Variants in LINGO2 observed in about 807,000 individuals in gnomAD.
LINGO2 encodes leucine rich repeat and Ig domain containing 2, also known as leucine-rich repeat and immunoglobulin-like domain-containing nogo receptor-interacting protein 2.
LINGO2 carries 14 observed loss-of-function variants against 30.6 expected under a neutral mutation model. The observed-to-expected ratio is 0.46, with a 90% CI of 0.30 to 0.72. The LOEUF is 0.72. Ranked by LOEUF, LINGO2 falls within the 30% of genes least tolerant of loss-of-function variation. LINGO2 has a pLI of 0.07. For synonymous variants in LINGO2, 317 were observed against 288.5 expected, an observed-to-expected ratio of 1.10 and a Z score of -1.00; for missense variants, 729 against 751.7, an observed-to-expected ratio of 0.97 and a Z score of 0.35.
chr9:29,062,937 G>A, the LINGO2 span, among the ~76,000 whole-genome samples: 827 of 152,164 alleles, frequency 5.4e-3, 8 homozygotes, highest in African/African-American at 0.019. Flanking sequence ...CTGACCTGGA[G>A]GGAACCAAAG....
At chr9:29,041,369 T>C in the LINGO2 span, among the ~76,000 whole-genome samples, 1 of 151,998 alleles carries the variant, frequency 6.6e-6, no homozygotes, top group African/African-American at 2.4e-5. Flanking sequence ...CTAGCCAGAA[T>C]AGCTAAAATA....
intron 1 of LINGO2, among the ~76,000 whole-genome samples, chr9:28,506,486 A>G (rs1820135028): frequency 1.7e-5 from 1 of 59,954 alleles, no homozygotes; most frequent in African/African-American, 5.4e-5. Context: ...ACACATACAC[A>G]TACACACACA....
the LINGO2 span, among the ~76,000 whole-genome samples, chr9:28,705,720 G>T: frequency 1.3e-5 from 2 of 152,076 alleles, no homozygotes; most frequent in Admixed American, 1.3e-4. Context: ...GTCCTCGCTG[G>T]ACTATTTTAC....
chr9:28,763,499 C>A, the LINGO2 span, among the ~76,000 whole-genome samples: 8 of 151,826 alleles, frequency 5.3e-5, no homozygotes, highest in Non-Finnish European at 1.0e-4. Flanking sequence ...AACAAACATT[C>A]ATGTACAACT....
At chr9:28,246,338 C>G (rs999454526) in intron 4 of LINGO2, among the ~76,000 whole-genome samples, 3 of 151,902 alleles carry the variant, frequency 2.0e-5, no homozygotes, top group East Asian at 3.9e-4. Flanking sequence ...GAAGGAGAAT[C>G]GCTTGAACCC....
intron 4 of LINGO2, among the ~76,000 whole-genome samples, chr9:28,236,227 G>T (rs1821559289): frequency 6.6e-6 from 1 of 152,018 alleles, no homozygotes; most frequent in South Asian, 2.1e-4. Context: ...TAGTATATTT[G>T]GTAAAAATAT....
At chr9:29,213,521 G>A in the LINGO2 span, among the ~76,000 whole-genome samples, 3 of 152,228 alleles carry the variant, frequency 2.0e-5, no homozygotes, top group East Asian at 5.9e-4. Flanking sequence ...GAGGCTTTGA[G>A]GAGGCGGCTG....
the LINGO2 span, among the ~76,000 whole-genome samples, chr9:28,984,653 A>C: frequency 0.65 from 98,801 of 151,820 alleles, 32,723 homozygotes; most frequent in Non-Finnish European, 0.72. Context: ...AAAATTTAAA[A>C]AGCAGTTAAG....
At chr9:28,300,341 T>C (rs1366691732) in intron 3 of LINGO2, among the ~76,000 whole-genome samples, 2 of 152,128 alleles carry the variant, frequency 1.3e-5, no homozygotes, top group Admixed American at 6.6e-5. Flanking sequence ...AGGAAGCCCT[T>C]CAAGTGACAT....
chr9:29,091,338 T>A, the LINGO2 span, among the ~76,000 whole-genome samples: 1 of 152,056 alleles, frequency 6.6e-6, no homozygotes, highest in Non-Finnish European at 1.5e-5. Flanking sequence ...TAGACATTAT[T>A]TTTTAAATAA....
intron 4 of LINGO2, among the ~76,000 whole-genome samples, chr9:28,044,640 C>A (rs915594318): frequency 6.6e-6 from 1 of 151,826 alleles, no homozygotes; most frequent in Non-Finnish European, 1.5e-5. Flanking sequence ...TATGGTAGTT[C>A]TAAGTCAAGC....
chr9:28,638,328 C>T (rs1211652140), intron 1 of LINGO2, among the ~76,000 whole-genome samples: 1 of 152,138 alleles, frequency 6.6e-6, no homozygotes, highest in Admixed American at 6.5e-5. Flanking sequence ...ATGATGCTGG[C>T]CTCATAAAAT....
intron 4 of LINGO2, among the ~76,000 whole-genome samples, chr9:28,288,847 C>T (rs903292997): frequency 1.3e-5 from 2 of 152,142 alleles, no homozygotes; most frequent in African/African-American, 2.4e-5. Flanking sequence ...ATTGCATACA[C>T]AGGTGCTATT....
chr9:29,082,950 T>A, the LINGO2 span, among the ~76,000 whole-genome samples: 1 of 152,104 alleles, frequency 6.6e-6, no homozygotes, highest in South Asian at 2.1e-4. Context: ...CTGGAGAGGA[T>A]GTGGAGAAAT....
At chr9:28,054,738 T>C (rs1355443418) in intron 4 of LINGO2, among the ~76,000 whole-genome samples, 1 of 152,148 alleles carries the variant, frequency 6.6e-6, no homozygotes, top group African/African-American at 2.4e-5. Context: ...ATAGCTTATA[T>C]TGATATCCAC....
the LINGO2 span, among the ~76,000 whole-genome samples, chr9:28,800,565 C>T: frequency 3.3e-5 from 5 of 151,950 alleles, no homozygotes; most frequent in Non-Finnish European, 5.9e-5. Flanking sequence ...TCAATGCTAG[C>T]AGTAGCCGTA....
At chr9:28,793,758 T>C in the LINGO2 span, among the ~76,000 whole-genome samples, 1 of 152,170 alleles carries the variant, frequency 6.6e-6, no homozygotes, top group Non-Finnish European at 1.5e-5. Context: ...TCTGGAATCA[T>C]AGCAAAGATA....
chr9:28,085,247 T>C (rs536360549), intron 4 of LINGO2, among the ~76,000 whole-genome samples: 70 of 152,266 alleles, frequency 4.6e-4, no homozygotes, highest in Non-Finnish European at 8.1e-4. Flanking sequence ...GAGACATAAA[T>C]GTCATACTGT....
At chr9:28,692,197 G>T in the LINGO2 span, among the ~76,000 whole-genome samples, 1 of 152,106 alleles carries the variant, frequency 6.6e-6, no homozygotes, top group Admixed American at 6.6e-5. Context: ...AATTTCGGCC[G>T]GGCATGGTGG....
Sources: allele counts gnomAD v4.1 joint callset (sites outside exome capture counted in the v4.1 genomes callset), GRCh38; gene constraint gnomAD v4.1.1; transcripts MANE v1.5; gene names NCBI Gene and HGNC (gene_info 2026-07-23, HGNC 2026-07-21).